Variants in TAF1 observed in about 807,000 individuals in gnomAD.
The protein encoded by TAF1 is TATA-box binding protein associated factor 1.
A neutral mutation model predicts 138.5 loss-of-function variants in TAF1; 2 were observed. That is an observed-to-expected ratio of 0.01 (90% CI 0.01 to 0.05). TAF1 has a LOEUF of 0.05. TAF1 is among the 10% of genes least tolerant of loss of function. The pLI, the probability that TAF1 is intolerant of heterozygous loss-of-function variation, is 1.00. For missense variants in TAF1, 709 were observed against 1,478.0 expected (o/e 0.48, Z 8.53); for synonymous variants, 437 against 503.2 (o/e 0.87, Z 1.76).
chrX:71,454,708 A>G (rs752470316), intron 33 of TAF1, 33 bp from the exon 34 acceptor site: 14 of 1,153,412 alleles, frequency 1.2e-5, no homozygotes, highest in African/African-American at 1.8e-5. Context: ...CTTAAAATAC[A>G]TGTTGAATGA....
chrX:71,377,090 G>C lies in TAF1; in HGVS notation c.613G>C (p.Asp205His). The C allele has an allele frequency of 1.7e-6, 2 of 1,211,731 alleles. No individual in the cohort carries two copies. The highest frequency in any genetic ancestry group is 5.9e-5 in the East Asian group (2 of 33,843). ...PQEATQAESE[D>H]GKLTLPLAGI... ...GGAAGCAACACAGGCAGAATCTGAAGATGGAAAGCTGACCCTTCCATTGGC... is the reference window on the plus strand; with the variant it reads ...GGAAGCAACACAGGCAGAATCTGAACATGGAAAGCTGACCCTTCCATTGGC... Residue 205 changes from aspartate (D) to histidine (H), a missense_variant, in exon 5 of 38, where the codon GAT becomes CAT. Asp to His is a moderately conservative substitution (Grantham distance 81). This residue lies in a region of TAF1 where 123 missense variants were observed against 161.6 expected (regional missense o/e 0.76). Coordinates refer to ENST00000423759, the MANE Select transcript of TAF1 (RefSeq NM_004606.5).
At chrX:71,392,310 T>C (rs751465051) in intron 18 of TAF1, among the ~76,000 whole-genome samples, 4 of 111,358 alleles carry the variant, frequency 3.6e-5, no homozygotes, top group Non-Finnish European at 7.5e-5. Flanking sequence ...TTTTTCTCCT[T>C]ATCCTGCCTG....
chrX:71,405,296 A>G (rs770485487), intron 25 of TAF1, among the ~76,000 whole-genome samples: 7 of 110,254 alleles, frequency 6.3e-5, no homozygotes, highest in South Asian at 3.8e-4. Context: ...TTTTGTGTGT[A>G]ATTTAAGAAA....
rs776261167 is a variant in TAF1, at chrX:71,375,139, G to A, written c.353-28G>A. 6 of 1,199,747 alleles carry A rather than the reference G, an allele frequency of 5.0e-6. No homozygotes were observed. The East Asian group carries it at 1.5e-4, about 30-fold the overall frequency. ...GCGGTTGTATAATATTTTGGATATT[G>A]AGGAGATCACCTTCTTGGTTTTATT... is the stretch of plus-strand genomic sequence containing the variant. On this transcript the variant is annotated intron_variant, in intron 3 of 37. Transcript: ENST00000423759.
At chrX:71,416,387 A>G (rs898613691) in intron 28 of TAF1, among the ~76,000 whole-genome samples, 3 of 107,853 alleles carry the variant, frequency 2.8e-5, no homozygotes, top group Non-Finnish European at 3.9e-5. Flanking sequence ...CCCTGTCTCA[A>G]AAAGAAAAAA....
chrX:71,430,406 G>C (rs1421126108), intron 32 of TAF1, among the ~76,000 whole-genome samples: 1 of 102,358 alleles, frequency 9.8e-6, no homozygotes, highest in Non-Finnish European at 2.0e-5. Context: ...AAAAAAAAAA[G>C]GCACATCTAT....
intron 8 of TAF1, 97 bp downstream of exon 8, chrX:71,379,128 TCGGTGAGACAGAG>T: frequency 1.3e-6 from 1 of 776,796 alleles, no homozygotes; most frequent in Non-Finnish European, 1.8e-6. Context: ...TTTTTTTTTT[TCGGTGAGACAGAG>T]TTTCGCTCTT....
chrX:71,500,790 C>T (rs956689672), intron 13 of TAF1, among the ~76,000 whole-genome samples: 4 of 110,233 alleles, frequency 3.6e-5, no homozygotes, highest in South Asian at 3.9e-4. Context: ...AGGCTGGGCG[C>T]GGTGGCTCAT....
intron 22 of TAF1, among the ~76,000 whole-genome samples, chrX:71,396,732 C>T (rs757681319): frequency 1.8e-5 from 2 of 111,278 alleles, no homozygotes. Context: ...ACTTTTTGTA[C>T]TTACAAAAGT....
chrX:71,437,834 C>CTTTT (rs1163295877), intron 32 of TAF1, among the ~76,000 whole-genome samples: 1 of 93,682 alleles, frequency 1.1e-5, no homozygotes, highest in Non-Finnish European at 2.1e-5. Context: ...GTCATTTTAA[C>CTTTT]TTTTTTTTTT....
At position 71,389,530 on chromosome X, in the gene TAF1, T is replaced by C. The variant is rs1455981190; in HGVS notation, c.2701-55T>C. The stretch of plus-strand genomic sequence containing the variant: ...TACTTGTATTCAGTAAAAAAAAAAC[T>C]TGTGCTTTGTGTTTTTTAACTGACT... On this transcript the variant is annotated intron_variant, in intron 17 of 37. Transcript: ENST00000423759. 5.8e-6 allele frequency: 6 copies of C among 1,034,011 alleles called. No homozygotes were observed. The Admixed American group carries it at 1.5e-4, about 25-fold the overall frequency. The allele number at this position is 1,034,011 out of a possible 1,213,427, so 85.2% of individuals were successfully genotyped here. A position where few individuals can be genotyped will look rare whatever the true frequency, so the allele number is the denominator to read the frequency against.
At chrX:71,403,229 A>G (rs1305321794) in intron 25 of TAF1, among the ~76,000 whole-genome samples, 2 of 110,655 alleles carry the variant, frequency 1.8e-5, no homozygotes, top group Non-Finnish European at 3.8e-5. Flanking sequence ...GGATTTTGCC[A>G]TGTTGCCCAG....
chrX:71,469,455 C>T (rs766586393), downstream of TAF1, among the ~76,000 whole-genome samples: 4 of 110,136 alleles, frequency 3.6e-5, no homozygotes, highest in South Asian at 1.2e-3. Context: ...ACACTTTGAG[C>T]GGCCGAGGAG....
At chrX:71,371,013 G>A (rs1356688767) in intron 3 of TAF1, among the ~76,000 whole-genome samples, 1 of 111,830 alleles carries the variant, frequency 8.9e-6, no homozygotes, top group Non-Finnish European at 1.9e-5. Flanking sequence ...GAATAGGTAA[G>A]TCAATAGCTG....
intron 32 of TAF1, among the ~76,000 whole-genome samples, chrX:71,433,717 C>A (rs1434267008): frequency 9.0e-6 from 1 of 111,079 alleles, no homozygotes; most frequent in Non-Finnish European, 1.9e-5. Context: ...GGCTCCAAGT[C>A]TTCAACCTCT....
chrX:71,497,959 C>A (rs911526694), intron 13 of TAF1, among the ~76,000 whole-genome samples: 2 of 111,701 alleles, frequency 1.8e-5, no homozygotes, highest in Admixed American at 1.9e-4. Flanking sequence ...TAAGATTAGG[C>A]CTAGATATTT....
chrX:71,457,314 C>G (rs5981118), intron 34 of TAF1, among the ~76,000 whole-genome samples: 8,379 of 112,463 alleles, frequency 0.075, 680 homozygotes, highest in African/African-American at 0.25. Flanking sequence ...TAAGTTACCT[C>G]TTGTAATCAC....
intron 18 of TAF1, among the ~76,000 whole-genome samples, chrX:71,391,231 A>G (rs2148360655): frequency 9.0e-6 from 1 of 111,588 alleles, no homozygotes; most frequent in South Asian, 3.7e-4. Context: ...ATGGAGGAGT[A>G]GTGTGTAGTT....
chrX:71,516,767 C>T (rs961006177), intron 13 of TAF1, among the ~76,000 whole-genome samples: 3 of 109,335 alleles, frequency 2.7e-5, no homozygotes, highest in Admixed American at 9.9e-5. Context: ...TGCAGTGGCG[C>T]GATCTTGGCT....
Sources: allele counts gnomAD v4.1 joint callset (sites outside exome capture counted in the v4.1 genomes callset), GRCh38; gene constraint gnomAD v4.1.1; regional missense constraint gnomAD v4.1.1; transcripts MANE v1.5; gene names NCBI Gene and HGNC (gene_info 2026-07-23, HGNC 2026-07-21).